The following MYH7 variants were observed in gnomAD, a reference collection of about 807,000 sequenced individuals.
MYH7 encodes the protein myosin heavy chain 7.
A neutral mutation model predicts 225.4 loss-of-function variants in MYH7; 129 were observed. The observed-to-expected ratio is 0.57, with a 90% CI of 0.50 to 0.66. The LOEUF (loss-of-function observed/expected upper bound fraction) is 0.66. Among genes scored for constraint, MYH7 ranks in the 30% least tolerant of loss-of-function variants. MYH7 has a pLI of 0.00. For synonymous variants in MYH7, 971 were observed against 1,007.6 expected (o/e 0.96, Z 0.69); for missense variants, 1,649 against 2,517.0 (o/e 0.66, Z 7.38).
chr14:23,428,293 C>T (rs1222059650), intron 15 of MYH7, among the ~76,000 whole-genome samples: 1 of 152,172 alleles, frequency 6.6e-6, no homozygotes, highest in East Asian at 1.9e-4. Context: ...CTCCATGTGT[C>T]CACTTTCAAG....
At position 23,419,472 on chromosome 14, in the gene MYH7, T is replaced by C. The variant is rs756766335; in HGVS notation, c.3853+11A>G. On this transcript the variant is annotated intron_variant, in intron 28 of 39. Coordinates refer to ENST00000355349, the MANE Select transcript of MYH7 (RefSeq NM_000257.4). Reference sequence around the variant, plus strand: ...GTGGTGGGAACCATGGAGCCCCTGCTCTAGGCTCACCATTCTCGGTTTGCA... The same window carrying C: ...GTGGTGGGAACCATGGAGCCCCTGCCCTAGGCTCACCATTCTCGGTTTGCA... The C allele has an allele frequency of 6.2e-7, 1 of 1,613,870 alleles. No homozygotes were observed. Among genetic ancestry groups the C allele is most frequent in the South Asian group, 1.1e-5 (1 of 91,068 alleles).
chr14:23,418,705 G>T (rs1207599014), intron 29 of MYH7, among the ~76,000 whole-genome samples: 1 of 152,186 alleles, frequency 6.6e-6, no homozygotes, highest in Non-Finnish European at 1.5e-5. Context: ...AAGGTTAGGG[G>T]ACTTCCCTAA....
In MYH7 at chr14:23,415,946, A is replaced by G; in HGVS notation, c.4953+58T>C. 6.2e-7 allele frequency: 1 copy of G among 1,613,832 alleles called. No individual in the cohort carries two copies. Among genetic ancestry groups the G allele is most frequent in the Non-Finnish European group, 8.5e-7 (1 of 1,179,866 alleles). On this transcript the variant is annotated intron_variant, in intron 34 of 39. Coordinates refer to ENST00000355349, the MANE Select transcript of MYH7 (RefSeq NM_000257.4). This position sits in a 1 kb window ranked among gnomAD's most constrained non-coding sequence, Gnocchi z 6.3. ...GGGGCAGGAGGAATCTGGTGCCTGT[A>G]TCAAGACACTACTGCTTCGCCAGGC...
rs201865159 is a variant in MYH7, at chr14:23,415,060, G to A, written c.5494C>T (p.Arg1832Cys). 3.8e-5 allele frequency: 62 copies of A among 1,612,948 alleles called. No individual in the cohort carries two copies. The highest frequency in any genetic ancestry group is 4.7e-5 in the Non-Finnish European group (55 of 1,180,020). The change falls in exon 37 of 40, where the codon CGC becomes TGC. Residue 1832 changes from arginine to cysteine, a missense_variant. Physicochemically the swap from Arg to Cys is radical, Grantham distance 180. This residue lies in a region of MYH7 where 687 missense variants were observed against 913.8 expected (regional missense o/e 0.75). Transcript: ENST00000355349. This position sits in a 1 kb window ranked among gnomAD's most constrained non-coding sequence, Gnocchi z 6.3. ...ATGCCCTTCACCGACTCTGCGTTGCGCTTCTGCTCGGCCTCCAGCTCATTC... is the reference window on the plus strand; with the variant it reads ...ATGCCCTTCACCGACTCTGCGTTGCACTTCTGCTCGGCCTCCAGCTCATTC... The part of the protein sequence containing the change: ...LENELEAEQK[R>C]NAESVKGMRK...
intron 18 of MYH7, 67 bp downstream of exon 18, chr14:23,426,710 C>A: frequency 7.0e-7 from 1 of 1,418,676 alleles, no homozygotes; most frequent in South Asian, 1.2e-5. Flanking sequence ...AGGGAGATGT[C>A]CTAGGAGGTC....
rs1892729854 is a variant in MYH7, at chr14:23,427,273, G to A, written c.1923C>T (p.Gly641=). 6.2e-7 allele frequency: 1 copy of A among 1,614,144 alleles called. No individual in the cohort carries two copies. The highest frequency in any genetic ancestry group is 1.3e-5 in the African/African-American group (1 of 75,050). The change falls in exon 17 of 40, where the codon GGC becomes GGT. Residue 641 remains glycine, a synonymous_variant. Transcript: ENST00000355349. The part of the protein sequence containing the change: ...IEKGKGKAKK[G]SSFQTVSALH... Reference sequence around the variant, plus strand: ...GAGCTGACACAGTCTGAAAGGACGAGCCTTTCTTGGCCTTGCCTTTGCCCT... The same window carrying A: ...GAGCTGACACAGTCTGAAAGGACGAACCTTTCTTGGCCTTGCCTTTGCCCT...
Position 23,417,203 on chromosome 14 carries a change from T to C in MYH7, c.4469A>G (p.Glu1490Gly). ...ELFKLKNAYE[E>G]SLEHLETFKR... ...GAAGGTCTCCAGATGTTCCAGGGAC[T>C]CCTCATAGGCGTTCTTGAGTTTGAA... The change falls in exon 32 of 40, where the codon GAG becomes GGG. Residue 1490 changes from glutamate (E) to glycine (G), a missense_variant. By Grantham distance (98) the Glu-to-Gly change is moderately conservative. This residue lies in a region of MYH7 where 687 missense variants were observed against 913.8 expected (regional missense o/e 0.75). Transcript: ENST00000355349. 1 of 1,614,178 alleles carries C rather than the reference T, an allele frequency of 6.2e-7. No individual in the cohort carries two copies.
chr14:23,418,542 G>A, intron 29 of MYH7, 136 bp from the exon 30 acceptor site: 1 of 1,090,326 alleles, frequency 9.2e-7, no homozygotes, highest in Non-Finnish European at 1.3e-6. Flanking sequence ...GACCTGTCAT[G>A]GTTTACTGTT....
rs1892184013 is a variant in MYH7, at chr14:23,415,944, G to T, written c.4953+60C>A. On this transcript the variant is annotated intron_variant, in intron 34 of 39. Transcript: ENST00000355349. This position sits in a 1 kb window ranked among gnomAD's most constrained non-coding sequence, Gnocchi z 6.3. Reference sequence around the variant, plus strand: ...TAGGGGCAGGAGGAATCTGGTGCCTGTATCAAGACACTACTGCTTCGCCAG... The same window carrying T: ...TAGGGGCAGGAGGAATCTGGTGCCTTTATCAAGACACTACTGCTTCGCCAG... The T allele has an allele frequency of 6.2e-7, 1 of 1,613,652 alleles. No homozygotes were observed. Among genetic ancestry groups the T allele is most frequent in the Non-Finnish European group, 8.5e-7 (1 of 1,179,724 alleles).
intron 17 of MYH7, 54 bp downstream of exon 17, chr14:23,427,186 G>A: frequency 6.4e-7 from 1 of 1,569,680 alleles, no homozygotes; most frequent in Non-Finnish European, 8.8e-7. Flanking sequence ...GGGTGGGGCT[G>A]GGTGGGGTTG....
In MYH7 at chr14:23,431,772, T is replaced by C; in HGVS notation, c.628A>G (p.Ser210Gly). 6.2e-7 allele frequency: 1 copy of C among 1,614,236 alleles called. No homozygotes were observed. The highest frequency in any genetic ancestry group is 2.2e-5 in the East Asian group (1 of 44,882). ...GGCAGCAGGCCTACCTTGCCCGGGC[T>C]CTGGTCCTTCTTGCTGCGGTCCCCA... ...AIGDRSKKDQ[S>G]PGKGTLEDQI... Residue 210 changes from serine to glycine, a missense_variant, in exon 7 of 40, where the codon AGC becomes GGC. By Grantham distance (56) the Ser-to-Gly change is moderately conservative. This residue lies in a region of MYH7 where 131 missense variants were observed against 231.3 expected (regional missense o/e 0.57). Coordinates refer to ENST00000355349, the MANE Select transcript of MYH7 (RefSeq NM_000257.4).
intron 1 of MYH7, 84 bp downstream of exon 1, chr14:23,435,536 T>C (rs1007986687): frequency 1.3e-5 from 2 of 152,286 alleles, no homozygotes; most frequent in Non-Finnish European, 1.5e-5. Context: ...AAGTCCTGCA[T>C]GAAGCTTGCT....
At chr14:23,414,447 GA>G (rs1044407235) in intron 37 of MYH7, among the ~76,000 whole-genome samples, 7 of 152,150 alleles carry the variant, frequency 4.6e-5, no homozygotes, top group Non-Finnish European at 1.0e-4. Flanking sequence ...TTGGGGCTAT[GA>G]GTGTGATGGA....
At position 23,420,116 on chromosome 14, in the gene MYH7, T is replaced by C; in HGVS notation, c.3455A>G (p.Glu1152Gly). The change falls in exon 27 of 40, where the codon GAG (glutamate) becomes GGG (glycine). Residue 1152 changes from glutamate to glycine, a missense_variant. Glu to Gly is a moderately conservative substitution (Grantham distance 98). Coordinates refer to ENST00000355349, the MANE Select transcript of MYH7 (RefSeq NM_000257.4). ...ELEEISERLE[E>G]AGGATSVQIE... ...CTGCACGGACGTGGCCCCGCCGGCC[T>C]CTTCCAGCCGCTCGCTGATCTCCTC... 6.2e-7 allele frequency: 1 copy of C among 1,605,228 alleles called. No homozygotes were observed. The highest frequency in any genetic ancestry group is 8.5e-7 in the Non-Finnish European group (1 of 1,177,892).
In MYH7 at chr14:23,413,764, T is replaced by C. The variant is rs1595070350; in HGVS notation, c.5785A>G (p.Thr1929Ala). Reference sequence around the variant, plus strand: ...AGCCCAAAAGAGGGACCCACCTTCGTGCCAATGTCACGGCTCTTGGCCCGC... The same window carrying C: ...AGCCCAAAAGAGGGACCCACCTTCGCGCCAATGTCACGGCTCTTGGCCCGC... ...KLRAKSRDIG[T>A]KGLNEE is the part of the protein sequence containing the mutation. The change falls in exon 39 of 40, where the codon ACG becomes GCG. Residue 1929 changes from threonine to alanine, a missense_variant. Physicochemically the swap from Thr to Ala is moderately conservative, Grantham distance 58 (BLOSUM62 0). This residue lies in a region of MYH7 where 687 missense variants were observed against 913.8 expected (regional missense o/e 0.75). Transcript: ENST00000355349. The C allele has an allele frequency of 6.2e-7, 1 of 1,614,090 alleles. No homozygotes were observed. Among genetic ancestry groups the C allele is most frequent in the South Asian group, 1.1e-5 (1 of 91,066 alleles).
intron 16 of MYH7, 37 bp from the exon 17 acceptor site, chr14:23,427,344 TG>T: frequency 6.2e-7 from 1 of 1,611,502 alleles, no homozygotes. Flanking sequence ...AGCATCAGTG[TG>T]GGGAGGTAGG....
chr14:23,423,479 A>ACACACACACG, intron 24 of MYH7, 68 bp downstream of exon 24: 1 of 1,563,184 alleles, frequency 6.4e-7, no homozygotes, highest in Non-Finnish European at 8.8e-7. Flanking sequence ...ACACACACAC[A>ACACACACACG]CACACACAGA....
Position 23,425,207 on chromosome 14 carries a change from C to T in MYH7, c.2423+75G>A. On this transcript the variant is annotated intron_variant, in intron 21 of 39. Coordinates refer to ENST00000355349, the MANE Select transcript of MYH7 (RefSeq NM_000257.4). This position sits in a 1 kb window ranked among gnomAD's most constrained non-coding sequence, Gnocchi z 4.6. ...TCTCTGTGTTTGAAGATCTGCTGAG[C>T]TTTTTTTCCTGACACTGCCCCTGAA... is the stretch of plus-strand genomic sequence containing the variant. 1 of 1,612,648 alleles carries T rather than the reference C, an allele frequency of 6.2e-7. No homozygotes were observed.
chr14:23,432,355 G>T (rs1456654313), intron 6 of MYH7, 124 bp downstream of exon 6: 1 of 1,192,352 alleles, frequency 8.4e-7, no homozygotes, highest in Non-Finnish European at 1.3e-6. Flanking sequence ...AGAGAAGAAG[G>T]AGATGGGCAC....
Sources: gnomAD v4.1 joint callset for allele counts (sites outside exome capture counted in the v4.1 genomes callset) on GRCh38, gnomAD v4.1.1 for gene constraint, gnomAD v4.1.1 regional missense constraint, Gnocchi (gnomAD v3.1) non-coding constraint, MANE v1.5 for transcripts, NCBI Gene and HGNC (gene_info 2026-07-23, HGNC 2026-07-21) for gene names.